Variants in GPC5 observed in about 807,000 individuals in gnomAD.
The protein encoded by GPC5 is glypican-5.
In GPC5, 47 loss-of-function variants were observed where a neutral mutation model predicts 53.9. The ratio of observed to expected loss-of-function variants is 0.87; its 90% CI spans 0.69 to 1.11. The LOEUF (loss-of-function observed/expected upper bound fraction) is 1.11, where lower values mean the gene tolerates loss of function less well. Ranked by LOEUF, GPC5 falls within the 50% of genes most tolerant of loss-of-function variation. GPC5 has a pLI of 0.00. For synonymous variants in GPC5, 286 were observed against 263.3 expected, an observed-to-expected ratio of 1.09 and a Z score of -0.84; for missense variants, 748 against 713.1, an observed-to-expected ratio of 1.05 and a Z score of -0.56.
intron 7 of GPC5, among the ~76,000 whole-genome samples, chr13:92,832,052 T>C (rs1192424506): frequency 1.3e-5 from 2 of 152,074 alleles, no homozygotes; most frequent in African/African-American, 4.8e-5. Flanking sequence ...ATGAAAAAAC[T>C]GAGGCCAGGA....
chr13:92,535,007 G>A (rs1881678093), intron 7 of GPC5, among the ~76,000 whole-genome samples: 1 of 152,122 alleles, frequency 6.6e-6, no homozygotes, highest in Non-Finnish European at 1.5e-5. Context: ...GGCCCACAGA[G>A]TCAAATGAGG....
chr13:92,184,333 A>T (rs1380917139), intron 7 of GPC5, among the ~76,000 whole-genome samples: 1 of 152,150 alleles, frequency 6.6e-6, no homozygotes. Context: ...TCTTCTCCAG[A>T]GTCAGGAGAG....
chr13:91,856,564 G>A (rs551415260), intron 5 of GPC5, among the ~76,000 whole-genome samples: 2 of 150,906 alleles, frequency 1.3e-5, no homozygotes, highest in Non-Finnish European at 3.0e-5. Flanking sequence ...AAGATGTTAG[G>A]TGTAGTTTCA....
At chr13:92,767,122 A>G (rs56007723) in intron 7 of GPC5, among the ~76,000 whole-genome samples, 9,761 of 152,214 alleles carry the variant, frequency 0.064, 835 homozygotes, top group East Asian at 0.37. Flanking sequence ...AGAAGCAGTG[A>G]GGCACATTGT....
intron 6 of GPC5, among the ~76,000 whole-genome samples, chr13:91,985,287 T>A (rs1399604134): frequency 6.6e-6 from 1 of 152,170 alleles, no homozygotes; most frequent in East Asian, 1.9e-4. Context: ...GCTTAATGTT[T>A]GCTTGGTATA....
In GPC5 at chr13:92,251,065, T is replaced by C. The variant is rs555535891; in HGVS notation, c.1561+106076T>C. Among the ~76,000 whole-genome samples the C allele has an allele frequency of 3.3e-5, 5 of 152,248 alleles. No homozygotes were observed. In the South Asian group the frequency reaches 1.0e-3, roughly 32 times the overall value. On this transcript the variant is annotated intron_variant, in intron 7 of 7. Coordinates refer to ENST00000377067, the MANE Select transcript of GPC5 (RefSeq NM_004466.6). ...CTTATTTTCTTTGTTATTCATGTAC[T>C]CCATGCTTAAATACAGCTGCTACAA...
chr13:91,829,603 A>G (rs993493755), intron 5 of GPC5, among the ~76,000 whole-genome samples: 2 of 152,062 alleles, frequency 1.3e-5, no homozygotes, highest in African/African-American at 4.8e-5. Context: ...ATCTTGGTGT[A>G]TTAGTCAGGG....
At chr13:92,504,766 C>T (rs1293495367) in intron 7 of GPC5, among the ~76,000 whole-genome samples, 2 of 151,812 alleles carry the variant, frequency 1.3e-5, no homozygotes, top group African/African-American at 4.8e-5. Flanking sequence ...CTTTGGAGTA[C>T]TTGGGCAACC....
chr13:91,725,378 A>ATGGC (rs1396482200), intron 3 of GPC5, among the ~76,000 whole-genome samples: 2 of 152,196 alleles, frequency 1.3e-5, no homozygotes, highest in African/African-American at 4.8e-5. Flanking sequence ...GGTTTTTTCA[A>ATGGC]TGGCAAGAAG....
chr13:92,188,807 GC>G (rs1323721065), intron 7 of GPC5, among the ~76,000 whole-genome samples: 3 of 152,166 alleles, frequency 2.0e-5, no homozygotes, highest in African/African-American at 7.2e-5. Context: ...TTCTGGTTCA[GC>G]ATCTAAGAAA....
intron 7 of GPC5, among the ~76,000 whole-genome samples, chr13:92,682,071 T>G (rs1251854541): frequency 6.6e-6 from 1 of 151,440 alleles, no homozygotes; most frequent in Non-Finnish European, 1.5e-5. Context: ...ATGCATCTAT[T>G]TGTGTTTTGA....
chr13:92,741,252 A>T (rs1437423471), intron 7 of GPC5, among the ~76,000 whole-genome samples: 1 of 151,546 alleles, frequency 6.6e-6, no homozygotes, highest in African/African-American at 2.4e-5. Flanking sequence ...CCAAAATGTA[A>T]TTGATTAATA....
At chr13:92,705,699 G>A (rs556455587) in intron 7 of GPC5, among the ~76,000 whole-genome samples, 27 of 151,994 alleles carry the variant, frequency 1.8e-4, no homozygotes, top group South Asian at 6.2e-4. Context: ...CTCACAATAC[G>A]TCTATGTTGG....
intron 7 of GPC5, among the ~76,000 whole-genome samples, chr13:92,457,252 G>A (rs748239669): frequency 1.2e-4 from 19 of 152,196 alleles, no homozygotes; most frequent in Non-Finnish European, 2.4e-4. Context: ...ACCACTGACA[G>A]GCACCTAGGT....
intron 7 of GPC5, among the ~76,000 whole-genome samples, chr13:92,434,077 G>A (rs927845883): frequency 1.3e-5 from 2 of 152,132 alleles, no homozygotes; most frequent in African/African-American, 4.8e-5. Context: ...GTAGTCCCAG[G>A]CCAAACCAAA....
rs976150992 is a variant in GPC5, at chr13:91,659,459, G to A, written c.326-33728G>A. On this transcript the variant is annotated intron_variant, in intron 2 of 7. Transcript: ENST00000377067. ...TAATGCCAGGCAGATGGTTGGTTAT[G>A]GTCACATAGCACAGCTCTGCTTACA... Among the ~76,000 whole-genome samples, 3 of 152,094 alleles carry A rather than the reference G, an allele frequency of 2.0e-5. No homozygotes were observed. The East Asian group carries it at 5.8e-4, about 29-fold the overall frequency.
chr13:91,664,531 A>T (rs976423829), intron 2 of GPC5, among the ~76,000 whole-genome samples: 2 of 152,174 alleles, frequency 1.3e-5, no homozygotes, highest in African/African-American at 4.8e-5. Context: ...GCAAATTGCT[A>T]TCTGATTTTA....
At chr13:92,340,434 G>A (rs916350599) in intron 7 of GPC5, 33 of 152,004 alleles carry the variant, frequency 2.2e-4, no homozygotes, top group African/African-American at 7.5e-4. Flanking sequence ...ATGTCATCCG[G>A]GCTGGTCTTG....
At chr13:92,308,016 T>C (rs1224394000) in intron 7 of GPC5, among the ~76,000 whole-genome samples, 1 of 152,216 alleles carries the variant, frequency 6.6e-6, no homozygotes, top group African/African-American at 2.4e-5. Flanking sequence ...TTAAGTCTCT[T>C]ATTGAATTAA....
Sources: gnomAD v4.1 joint callset for allele counts (sites outside exome capture counted in the v4.1 genomes callset) on GRCh38, gnomAD v4.1.1 for gene constraint, MANE v1.5 for transcripts, NCBI Gene and HGNC (gene_info 2026-07-23, HGNC 2026-07-21) for gene names.